HSD17B12: variants seen among roughly 807,000 people sequenced by gnomAD.
The protein encoded by HSD17B12 is very-long-chain 3-oxoacyl-CoA reductase.
Under a neutral mutation model 39.3 loss-of-function variants are expected in HSD17B12, and 32 were observed. The observed-to-expected ratio is 0.81, with a 90% CI of 0.61 to 1.09. The LOEUF (loss-of-function observed/expected upper bound fraction) is 1.09. HSD17B12 is among the 50% of genes least tolerant of loss of function. The pLI is 0.00. For synonymous variants in HSD17B12, 150 were observed against 146.7 expected (o/e 1.02, Z -0.16); for missense variants, 342 against 382.9 (o/e 0.89, Z 0.89).
intron 8 of HSD17B12, 77 bp from the exon 9 acceptor site, chr11:43,839,922 A>G: frequency 8.7e-7 from 1 of 1,148,920 alleles, no homozygotes; most frequent in East Asian, 2.4e-5. Context: ...TTAGTTTATT[A>G]TTTTGTTTCC....
intron 3 of HSD17B12, among the ~76,000 whole-genome samples, chr11:43,777,246 T>C (rs1403757604): frequency 6.6e-6 from 1 of 152,216 alleles, no homozygotes; most frequent in African/African-American, 2.4e-5. Flanking sequence ...GAGCATGGAA[T>C]GTTCTTCCAT....
rs1357956118 is a variant in HSD17B12, at chr11:43,723,277, A to G, written c.161-27634A>G. Among the ~76,000 whole-genome samples, 45 of 152,230 alleles carry G rather than the reference A, an allele frequency of 3.0e-4. 1 individual carries two copies. The highest frequency in any genetic ancestry group is 2.9e-3 in the Admixed American group (44 of 15,284). ...AATTAAAGTGCTACTTGTAAAGGAT[A>G]GTAAATTCACTTTTGCATTTTAGAT... On this transcript the variant is annotated intron_variant, in intron 1 of 10. Transcript: ENST00000278353.
chr11:43,583,252 C>T, the HSD17B12 span, among the ~76,000 whole-genome samples: 1 of 152,242 alleles, frequency 6.6e-6, no homozygotes, highest in Non-Finnish European at 1.5e-5. Flanking sequence ...CCTCACTTCT[C>T]CCTCCGAGGC....
At chr11:43,701,257 T>C (rs566774522) in intron 1 of HSD17B12, among the ~76,000 whole-genome samples, 7 of 152,258 alleles carry the variant, frequency 4.6e-5, no homozygotes, top group African/African-American at 1.7e-4. Context: ...AGATGGGTAG[T>C]TTGCAGATAT....
intron 9 of HSD17B12, among the ~76,000 whole-genome samples, chr11:43,846,791 A>G (rs1280031055): frequency 6.6e-6 from 1 of 152,246 alleles, no homozygotes; most frequent in Admixed American, 6.5e-5. Context: ...AATAAGACCC[A>G]GTCCCTGTGC....
chr11:43,709,033 G>A (rs1039614475), intron 1 of HSD17B12, among the ~76,000 whole-genome samples: 10 of 152,210 alleles, frequency 6.6e-5, no homozygotes. Flanking sequence ...CAGCAGAGAG[G>A]AGAGGATGTA....
chr11:43,762,496 C>G (rs1950563190), intron 3 of HSD17B12, among the ~76,000 whole-genome samples: 1 of 152,220 alleles, frequency 6.6e-6, no homozygotes, highest in Non-Finnish European at 1.5e-5. Context: ...TTCCTAAAGA[C>G]TCTATTTTCT....
chr11:43,597,195 TGGTCAGTG>T, the HSD17B12 span, among the ~76,000 whole-genome samples: 1 of 152,070 alleles, frequency 6.6e-6, no homozygotes, highest in African/African-American at 2.4e-5. Flanking sequence ...TTCCCATGGG[TGGTCAGTG>T]GGTCAGGAGC....
At chr11:43,770,035 C>T (rs1950634098) in intron 3 of HSD17B12, among the ~76,000 whole-genome samples, 1 of 152,160 alleles carries the variant, frequency 6.6e-6, no homozygotes, top group Non-Finnish European at 1.5e-5. Context: ...CCTCTATCCT[C>T]AGAGAAAGAA....
At chr11:43,617,234 C>T in the HSD17B12 span, among the ~76,000 whole-genome samples, 1 of 152,122 alleles carries the variant, frequency 6.6e-6, no homozygotes, top group Non-Finnish European at 1.5e-5. Context: ...TTTTTCAGTG[C>T]CTCGCTTCTT....
chr11:43,576,535 C>T, the HSD17B12 span: 1 of 152,198 alleles, frequency 6.6e-6, no homozygotes, highest in African/African-American at 2.4e-5. Flanking sequence ...TTTTCCTCTC[C>T]TCTCTCCTCT....
the HSD17B12 span, among the ~76,000 whole-genome samples, chr11:43,601,315 G>A: frequency 4.6e-5 from 7 of 151,928 alleles, no homozygotes; most frequent in African/African-American, 1.4e-4. Flanking sequence ...TGCATGCTGC[G>A]TTTGTGTGTG....
chr11:43,816,901 T>C (rs1337312583), intron 6 of HSD17B12, among the ~76,000 whole-genome samples: 1 of 151,882 alleles, frequency 6.6e-6, no homozygotes, highest in Non-Finnish European at 1.5e-5. Context: ...TCACTTAGAA[T>C]AATAGTCTCC....
At chr11:43,642,592 C>T in the HSD17B12 span, among the ~76,000 whole-genome samples, 12 of 151,614 alleles carry the variant, frequency 7.9e-5, no homozygotes, top group South Asian at 8.3e-4. Context: ...TGTATTTTAA[C>T]ATCAAGAGAA....
At chr11:43,573,610 T>C in the HSD17B12 span, among the ~76,000 whole-genome samples, 4 of 152,194 alleles carry the variant, frequency 2.6e-5, no homozygotes, top group African/African-American at 9.7e-5. Context: ...TTAAAAGTTG[T>C]TAAGTGATTT....
At chr11:43,836,697 C>T (rs543639459) in intron 7 of HSD17B12, among the ~76,000 whole-genome samples, 31 of 152,132 alleles carry the variant, frequency 2.0e-4, no homozygotes, top group Non-Finnish European at 3.8e-4. Context: ...TAAAAATCTC[C>T]TGTAACAAAA....
At chr11:43,680,374 C>G (rs971079218), upstream of HSD17B12, among the ~76,000 whole-genome samples, 3 of 152,130 alleles carry the variant, frequency 2.0e-5, no homozygotes, top group Admixed American at 6.5e-5. Context: ...GCCCTGCCTA[C>G]GCCCACTTCT....
chr11:43,627,347 C>A, the HSD17B12 span, among the ~76,000 whole-genome samples: 2 of 151,386 alleles, frequency 1.3e-5, no homozygotes, highest in Non-Finnish European at 3.0e-5. Flanking sequence ...TCTAGTGATA[C>A]CTTATTGAAT....
chr11:43,839,357 T>C (rs1435559654), intron 8 of HSD17B12, among the ~76,000 whole-genome samples: 1 of 152,142 alleles, frequency 6.6e-6, no homozygotes, highest in African/African-American at 2.4e-5. Context: ...AACTTCAACT[T>C]ATCTGTTCTA....
Sources: allele counts gnomAD v4.1 joint callset (sites outside exome capture counted in the v4.1 genomes callset), GRCh38; gene constraint gnomAD v4.1.1; transcripts MANE v1.5; gene names NCBI Gene and HGNC (gene_info 2026-07-23, HGNC 2026-07-21).